Variants in LDB2 observed in about 807,000 individuals in gnomAD.
LDB2 encodes LIM domain-binding protein 2.
In LDB2, 12 loss-of-function variants were observed where a neutral mutation model predicts 44.3. The observed-to-expected ratio is 0.27, with a 90% CI of 0.17 to 0.44. The LOEUF (loss-of-function observed/expected upper bound fraction) is 0.44, where lower values mean the gene tolerates loss of function less well. LDB2 is among the 20% of genes least tolerant of loss of function. The probability of loss-of-function intolerance (pLI) is 1.00; values close to 1 mark genes in which losing one functional copy is unlikely to be tolerated. For missense variants in LDB2, 344 were observed against 473.5 expected, an observed-to-expected ratio of 0.73 and a Z score of 2.54; for synonymous variants, 164 against 174.8, an observed-to-expected ratio of 0.94 and a Z score of 0.49.
At chr4:16,705,938 A>T (rs539277091) in intron 2 of LDB2, among the ~76,000 whole-genome samples, 41 of 152,332 alleles carry the variant, frequency 2.7e-4, no homozygotes, top group Non-Finnish European at 4.1e-4. Context: ...ATTACCTTTC[A>T]CTTTTCTCAG....
intron 1 of LDB2, among the ~76,000 whole-genome samples, chr4:16,869,706 G>A (rs1361008212): frequency 5.9e-5 from 9 of 152,152 alleles, no homozygotes; most frequent in Non-Finnish European, 1.2e-4. Flanking sequence ...ATTGAGTTAC[G>A]AGCTTCTTAC....
chr4:16,531,496 G>A (rs1053486965), intron 5 of LDB2, among the ~76,000 whole-genome samples: 8 of 152,166 alleles, frequency 5.3e-5, no homozygotes, highest in African/African-American at 1.7e-4. Flanking sequence ...CACCTGATAC[G>A]CCTGATAGGC....
intron 7 of LDB2, among the ~76,000 whole-genome samples, chr4:16,503,554 C>A (rs1242670680): frequency 6.6e-6 from 1 of 152,150 alleles, no homozygotes; most frequent in African/African-American, 2.4e-5. Flanking sequence ...CTAATTAAGT[C>A]ATTAGCAAAA....
chr4:16,874,146 C>T (rs907261514), intron 1 of LDB2, among the ~76,000 whole-genome samples: 1 of 151,984 alleles, frequency 6.6e-6, no homozygotes, highest in African/African-American at 2.4e-5. Flanking sequence ...AAACTCCAAA[C>T]CAAAAACTCG....
At chr4:16,730,462 A>C (rs1324074545) in intron 2 of LDB2, among the ~76,000 whole-genome samples, 1 of 152,226 alleles carries the variant, frequency 6.6e-6, no homozygotes, top group African/African-American at 2.4e-5. Context: ...ATAAAGACTC[A>C]AAAACTATAT....
intron 1 of LDB2, among the ~76,000 whole-genome samples, chr4:16,879,429 T>G (rs990325923): frequency 6.6e-6 from 1 of 152,176 alleles, no homozygotes; most frequent in Non-Finnish European, 1.5e-5. Context: ...AGAATTGTTG[T>G]CTGGGTAAAG....
At chr4:16,793,641 T>C (rs1194518275) in intron 1 of LDB2, among the ~76,000 whole-genome samples, 2 of 152,248 alleles carry the variant, frequency 1.3e-5, no homozygotes, top group Non-Finnish European at 2.9e-5. Context: ...AAATCTGTCA[T>C]GTAAATATTT....
intron 5 of LDB2, among the ~76,000 whole-genome samples, chr4:16,525,466 T>G (rs992938374): frequency 6.6e-6 from 1 of 152,318 alleles, no homozygotes; most frequent in East Asian, 1.9e-4. Context: ...CCCTCTCCCC[T>G]CCCAGGGATA....
chr4:16,546,936 G>C (rs1217525933), intron 5 of LDB2, among the ~76,000 whole-genome samples: 1 of 152,150 alleles, frequency 6.6e-6, no homozygotes, highest in Non-Finnish European at 1.5e-5. Context: ...CTTCACTCAA[G>C]ACCTTCTCAG....
intron 5 of LDB2, among the ~76,000 whole-genome samples, chr4:16,519,220 C>G (rs1008318253): frequency 1.1e-4 from 17 of 152,244 alleles, no homozygotes; most frequent in African/African-American, 3.9e-4. Context: ...CTATGTCTAT[C>G]CCTGGAGTAT....
chr4:16,792,239 T>G (rs549945416), intron 1 of LDB2, among the ~76,000 whole-genome samples: 1 of 152,326 alleles, frequency 6.6e-6, no homozygotes, highest in South Asian at 2.1e-4. Flanking sequence ...GATTCATATT[T>G]TAGTCTGGAC....
chr4:16,801,201 A>G (rs1777759655), intron 1 of LDB2, among the ~76,000 whole-genome samples: 1 of 152,168 alleles, frequency 6.6e-6, no homozygotes, highest in East Asian at 1.9e-4. Flanking sequence ...TTTGGTTTAG[A>G]TGGAAGCCCA....
At chr4:16,721,535 A>G (rs1758281177) in intron 2 of LDB2, among the ~76,000 whole-genome samples, 1 of 152,140 alleles carries the variant, frequency 6.6e-6, no homozygotes. Flanking sequence ...TTTAACAAAA[A>G]TTTCCCCTGG....
At chr4:16,698,401 TATG>T (rs576633546) in intron 2 of LDB2, among the ~76,000 whole-genome samples, 49 of 152,310 alleles carry the variant, frequency 3.2e-4, no homozygotes, top group African/African-American at 1.1e-3. Flanking sequence ...AGCAGTAGTG[TATG>T]ATAATACTCT....
chr4:16,549,171 C>T (rs1312377810), intron 5 of LDB2, among the ~76,000 whole-genome samples: 2 of 152,172 alleles, frequency 1.3e-5, no homozygotes, highest in African/African-American at 2.4e-5. Flanking sequence ...AACCTTAGTG[C>T]TGTTTCAAAG....
chr4:16,816,364 T>C (rs1319090786), intron 1 of LDB2, among the ~76,000 whole-genome samples: 2 of 152,036 alleles, frequency 1.3e-5, no homozygotes, highest in African/African-American at 2.4e-5. Flanking sequence ...ATCACTTTTC[T>C]TCAATTATAT....
chr4:16,509,677 TCTC>T (rs567730998), intron 6 of LDB2, among the ~76,000 whole-genome samples: 1 of 152,294 alleles, frequency 6.6e-6, no homozygotes, highest in South Asian at 2.1e-4. Context: ...TCAGAAGCCT[TCTC>T]CTGCCAGTTA....
intron 1 of LDB2, among the ~76,000 whole-genome samples, chr4:16,786,257 T>A (rs759497599): frequency 2.3e-4 from 35 of 152,210 alleles, no homozygotes; most frequent in Non-Finnish European, 4.0e-4. Context: ...CACTCAAGTT[T>A]CCAGGGAGAC....
intron 2 of LDB2, among the ~76,000 whole-genome samples, chr4:16,620,152 C>T (rs2173072): frequency 0.017 from 2,653 of 152,226 alleles, 75 homozygotes; most frequent in African/African-American, 0.059. Flanking sequence ...CTATCTTGAT[C>T]GCCTCCATAT....
Sources: gnomAD v4.1 joint callset for allele counts (sites outside exome capture counted in the v4.1 genomes callset) on GRCh38, gnomAD v4.1.1 for gene constraint, MANE v1.5 for transcripts, NCBI Gene and HGNC (gene_info 2026-07-23, HGNC 2026-07-21) for gene names.